ZNF567: variants seen among roughly 807,000 people sequenced by gnomAD.
ZNF567 encodes zinc finger protein 567.
ZNF567 carries 36 observed loss-of-function variants against 53.9 expected under a neutral mutation model. The ratio of observed to expected loss-of-function variants is 0.67; its 90% CI spans 0.51 to 0.88. The LOEUF (loss-of-function observed/expected upper bound fraction) is 0.88. Among genes scored for constraint, ZNF567 ranks in the 40% least tolerant of loss-of-function variants. ZNF567 has a pLI of 0.00. For missense variants in ZNF567, 619 were observed against 764.7 expected (o/e 0.81, Z 2.25); for synonymous variants, 224 against 260.4 (o/e 0.86, Z 1.35).
intron 4 of ZNF567, 116 bp from the exon 5 acceptor site, chr19:36,712,664 GC>G (rs2039849909): frequency 7.3e-7 from 1 of 1,379,010 alleles, no homozygotes; most frequent in Non-Finnish European, 1.0e-6. Context: ...AGTGCAAGGT[GC>G]TACCTATATT....
intron 3 of ZNF567, among the ~76,000 whole-genome samples, chr19:36,706,174 G>C (rs1042311652): frequency 1.3e-5 from 2 of 152,168 alleles, no homozygotes; most frequent in African/African-American, 2.4e-5. Flanking sequence ...CACATGCTAC[G>C]TGAAGCCCCT....
In ZNF567 at chr19:36,712,847, T is replaced by G; in HGVS notation, c.203T>G (p.Phe68Cys). The G allele has an allele frequency of 6.2e-7, 1 of 1,614,166 alleles. No homozygotes were observed. Among genetic ancestry groups the G allele is most frequent in the Non-Finnish European group, 8.5e-7 (1 of 1,179,990 alleles). Residue 68 changes from phenylalanine to cysteine, a missense_variant, in exon 5 of 6, where the codon TTT (phenylalanine) becomes TGT (cysteine). Physicochemically the swap from Phe to Cys is radical, Grantham distance 205 (BLOSUM62 -2). Coordinates refer to ENST00000682579, the MANE Select transcript of ZNF567 (RefSeq NM_001322917.1). ...CGAGGAGAAGAGCCATGGACATCAT[T>G]TGCAGGTCATACCTGCTTGGGTGAG... ...LERGEEPWTSFAGHTCLEENW... is the reference protein window; with the variant it reads ...LERGEEPWTSCAGHTCLEENW...
the ZNF567 span, among the ~76,000 whole-genome samples, chr19:36,676,565 C>T: frequency 1.3e-5 from 2 of 152,064 alleles, no homozygotes; most frequent in African/African-American, 2.4e-5. Flanking sequence ...TGGCAAAAAG[C>T]GTAATTACTT....
At chr19:36,692,957 C>G (rs1178529402) in intron 2 of ZNF567, among the ~76,000 whole-genome samples, 1 of 152,112 alleles carries the variant, frequency 6.6e-6, no homozygotes, top group African/African-American at 2.4e-5. Context: ...CATACCTGCC[C>G]CTGTGAGCCA....
Position 36,712,887 on chromosome 19 carries a change from G to A in ZNF567, c.223+20G>A, listed in dbSNP as rs2039862370. 1.9e-6 allele frequency: 3 copies of A among 1,593,754 alleles called. No homozygotes were observed. The highest frequency in any genetic ancestry group is 1.1e-5 in the South Asian group (1 of 90,286). On this transcript the variant is annotated intron_variant, in intron 5 of 5. Coordinates refer to ENST00000682579, the MANE Select transcript of ZNF567 (RefSeq NM_001322917.1). ...GCTTGGGTGAGTTTCTGGCTCTTAG[G>A]CAGACACAGTCTAGCAGAATGTAAA...
the ZNF567 span, among the ~76,000 whole-genome samples, chr19:36,674,767 T>G: frequency 2.6e-5 from 4 of 152,150 alleles, no homozygotes; most frequent in Non-Finnish European, 5.9e-5. Flanking sequence ...AAGCTTTTTT[T>G]TTTGGAGACA....
At chr19:36,725,733 C>T (rs1020941242), downstream of ZNF567, among the ~76,000 whole-genome samples, 3 of 152,250 alleles carry the variant, frequency 2.0e-5, no homozygotes, top group South Asian at 2.1e-4. Context: ...ACTGCAGCCT[C>T]GACCTCCTGG....
At chr19:36,669,100 G>T in the ZNF567 span, 1 of 152,160 alleles carries the variant, frequency 6.6e-6, no homozygotes, top group African/African-American at 2.4e-5. Context: ...AGGGTTTAAA[G>T]AATATGGGAG....
the ZNF567 span, among the ~76,000 whole-genome samples, chr19:36,679,757 C>T: frequency 2.0e-5 from 3 of 151,502 alleles, no homozygotes; most frequent in Non-Finnish European, 2.9e-5. Context: ...ATCTCACTTA[C>T]ATGTGGAATC....
chr19:36,722,384 C>T (rs1192264933), downstream of ZNF567, among the ~76,000 whole-genome samples: 1 of 152,136 alleles, frequency 6.6e-6, no homozygotes, highest in Non-Finnish European at 1.5e-5. Context: ...TCACTGTAAC[C>T]TCTGCCTCCT....
chr19:36,690,373 G>C (rs1176028387), intron 2 of ZNF567, among the ~76,000 whole-genome samples: 1 of 152,100 alleles, frequency 6.6e-6, no homozygotes, highest in East Asian at 1.9e-4. Context: ...TGTGTGCACT[G>C]CTTGAGTCCA....
At chr19:36,679,008 C>T in the ZNF567 span, among the ~76,000 whole-genome samples, 4 of 152,094 alleles carry the variant, frequency 2.6e-5, no homozygotes, top group Middle Eastern at 3.4e-3. Flanking sequence ...GATGAGGGGC[C>T]GAGCGCGGTG....
chr19:36,681,040 G>T, the ZNF567 span, among the ~76,000 whole-genome samples: 3 of 152,166 alleles, frequency 2.0e-5, no homozygotes, highest in Admixed American at 2.0e-4. Flanking sequence ...AGGGTCATCA[G>T]TCAGCCGACT....
At chr19:36,725,769 T>TGGG (rs2040333247), downstream of ZNF567, among the ~76,000 whole-genome samples, 1 of 152,122 alleles carries the variant, frequency 6.6e-6, no homozygotes, top group African/African-American at 2.4e-5. Context: ...CCACCTCAGC[T>TGGG]TCCTGAGTAG....
chr19:36,704,373 G>A (rs1389080159), intron 3 of ZNF567, among the ~76,000 whole-genome samples: 1 of 152,022 alleles, frequency 6.6e-6, no homozygotes, highest in African/African-American at 2.4e-5. Flanking sequence ...GTGAGCCAAG[G>A]TGGTGCCACT....
At chr19:36,682,049 G>C in the ZNF567 span, among the ~76,000 whole-genome samples, 1 of 152,028 alleles carries the variant, frequency 6.6e-6, no homozygotes. Flanking sequence ...TGAGAGACAG[G>C]GGGATCACTT....
At chr19:36,679,184 G>A in the ZNF567 span, among the ~76,000 whole-genome samples, 1 of 152,108 alleles carries the variant, frequency 6.6e-6, no homozygotes, top group East Asian at 1.9e-4. Context: ...TACTTGGGAG[G>A]CTGAGGCAGG....
intron 3 of ZNF567, among the ~76,000 whole-genome samples, chr19:36,705,900 C>T (rs563681887): frequency 3.3e-5 from 5 of 152,066 alleles, no homozygotes; most frequent in African/African-American, 4.8e-5. Flanking sequence ...ATAATATTGT[C>T]CTGAAATCTA....
rs920350736 is a variant in ZNF567, at chr19:36,688,460, AT to A, written c.-168+838del. Among the ~76,000 whole-genome samples the A allele has an allele frequency of 5.7e-3, 837 of 145,594 alleles. 2 individuals carry two copies. The highest frequency in any genetic ancestry group is 7.5e-3 in the Non-Finnish European group (496 of 65,830). On this transcript the variant is annotated intron_variant, in intron 1 of 5. Coordinates refer to ENST00000682579, the MANE Select transcript of ZNF567 (RefSeq NM_001322917.1). ...AATTAGACAAGTAAAATAAGTAGTG[AT>A]TTTTTTTTTTTAATGGAGAGGAAGA...
Sources: allele counts gnomAD v4.1 joint callset (sites outside exome capture counted in the v4.1 genomes callset), GRCh38; gene constraint gnomAD v4.1.1; transcripts MANE v1.5; gene names NCBI Gene and HGNC (gene_info 2026-07-23, HGNC 2026-07-21).